The following PCDHA7 variants were observed in gnomAD, a reference collection of about 807,000 sequenced individuals.
PCDHA7 encodes the protein protocadherin alpha-7.
In PCDHA7, 37 loss-of-function variants were observed where a neutral mutation model predicts 57.2. The ratio of observed to expected loss-of-function variants is 0.65; its 90% CI spans 0.50 to 0.85. The LOEUF is 0.85. PCDHA7 is among the 40% of genes least tolerant of loss of function. PCDHA7 has a pLI of 0.00. For missense variants in PCDHA7, 1,188 were observed against 1,241.8 expected (o/e 0.96, Z 0.65); for synonymous variants, 553 against 558.8 (o/e 0.99, Z 0.15).
At chr5:140,929,370 C>T in intron 1 of PCDHA7, 1 of 1,515,732 alleles carries the variant, frequency 6.6e-7, no homozygotes, top group Non-Finnish European at 8.8e-7. Flanking sequence ...CCGGAGATGG[C>T]TGCTAGCTGT....
chr5:140,842,062 C>G lies in PCDHA7; in HGVS notation c.2355+5324C>G, dbSNP rs548664799. The G allele has an allele frequency of 3.1e-6, 5 of 1,613,774 alleles. No individual in the cohort carries two copies. In the African/African-American group the frequency reaches 6.7e-5, roughly 22 times the overall value. ...CTCCCACTTTCGAACAGTCTGAATA[C>G]GAAGTAAGAATATTCGAAAACGCAG... On this transcript the variant is annotated intron_variant, in intron 1 of 3. Coordinates refer to ENST00000525929, the MANE Select transcript of PCDHA7 (RefSeq NM_018910.3).
In PCDHA7 at chr5:140,836,239, G is replaced by T; in HGVS notation, c.1856G>T (p.Ser619Ile). The change falls in exon 1 of 4, where the codon AGC becomes ATC. Residue 619 changes from serine (S) to isoleucine (I), a missense_variant. Ser to Ile is a moderately radical substitution (Grantham distance 142). Around this residue, in one of 3 missense-constraint regions of PCDHA7, gnomAD observed 892 missense variants for 788.5 expected, o/e 1.13. Coordinates refer to ENST00000525929, the MANE Select transcript of PCDHA7 (RefSeq NM_018910.3). ...YELQPVAAGA[S>I]IPFRVGLYTG... Reference sequence around the variant, plus strand: ...TTGCAACCGGTGGCGGCCGGTGCGAGCATCCCGTTCCGCGTGGGGCTGTAC... The same window carrying T: ...TTGCAACCGGTGGCGGCCGGTGCGATCATCCCGTTCCGCGTGGGGCTGTAC... The T allele has an allele frequency of 1.9e-6, 3 of 1,613,796 alleles. No individual in the cohort carries two copies. Among genetic ancestry groups the T allele is most frequent in the Non-Finnish European group, 1.7e-6 (2 of 1,179,822 alleles).
intron 1 of PCDHA7, chr5:140,848,602 C>A (rs140949600): frequency 8.2e-6 from 13 of 1,593,476 alleles, no homozygotes; most frequent in Non-Finnish European, 1.1e-5. Flanking sequence ...TACTCCGTCC[C>A]GGAGGAAGCC....
At chr5:140,869,231 C>T (rs781820629) in intron 1 of PCDHA7, 29 of 1,613,712 alleles carry the variant, frequency 1.8e-5, no homozygotes, top group Non-Finnish European at 2.3e-5. Context: ...AAACACGGCA[C>T]CTTCGTGGGC....
chr5:140,884,791 C>T, intron 1 of PCDHA7: 1 of 1,319,574 alleles, frequency 7.6e-7, no homozygotes, highest in Non-Finnish European at 1.0e-6. Context: ...TAGTTGTTAT[C>T]GAATTTAACA....
intron 1 of PCDHA7, chr5:140,928,054 A>T (rs2084892451): frequency 1.2e-6 from 2 of 1,613,994 alleles, no homozygotes; most frequent in Non-Finnish European, 1.7e-6. Flanking sequence ...TTTTCAGCTG[A>T]CGGCTTCCTT....
intron 1 of PCDHA7, among the ~76,000 whole-genome samples, chr5:140,975,044 G>A (rs115613317): frequency 0.045 from 6,815 of 152,244 alleles, 210 homozygotes; most frequent in Non-Finnish European, 0.062. Flanking sequence ...AGGCTCTTAG[G>A]AAGAATCTAC....
rs539900578 is a variant in PCDHA7, at chr5:140,868,861, T to C, written c.2355+32123T>C. Reference sequence around the variant, plus strand: ...ACACGTGAAATTCTGTGGTGGTAAATGCAGTGCACAGTACTCACAGTTTTA... The same window carrying C: ...ACACGTGAAATTCTGTGGTGGTAAACGCAGTGCACAGTACTCACAGTTTTA... On this transcript the variant is annotated intron_variant, in intron 1 of 3. Coordinates refer to ENST00000525929, the MANE Select transcript of PCDHA7 (RefSeq NM_018910.3). 7 of 525,402 alleles carry C rather than the reference T, an allele frequency of 1.3e-5. No homozygotes were observed. In the Admixed American group the frequency reaches 2.2e-4, roughly 17 times the overall value. 32.5% of individuals were successfully genotyped at this position (525,402 alleles called of 1,614,324 possible). A position where few individuals can be genotyped will look rare whatever the true frequency, so the allele number is the denominator to read the frequency against.
chr5:140,929,484 T>C, intron 1 of PCDHA7: 1 of 1,156,262 alleles, frequency 8.6e-7, no homozygotes, highest in Non-Finnish European at 1.2e-6. Context: ...AGTATAGAAG[T>C]ATTAGAAGAT....
At chr5:140,902,861 G>A (rs782302668) in intron 1 of PCDHA7, among the ~76,000 whole-genome samples, 21 of 152,088 alleles carry the variant, frequency 1.4e-4, no homozygotes, top group Admixed American at 5.2e-4. Context: ...TGGCGTCCAG[G>A]TCCACCCAAG....
chr5:140,969,198 C>T lies in PCDHA7; in HGVS notation c.2356-9751C>T, dbSNP rs2096305688. ...AGTGACACTTTCATGTTTTACAATA[C>T]AGGGGCCCAGACAGGACCAGGGCCT... On this transcript the variant is annotated intron_variant, in intron 1 of 3. Coordinates refer to ENST00000525929, the MANE Select transcript of PCDHA7 (RefSeq NM_018910.3). 1 of 1,614,166 alleles carries T rather than the reference C, an allele frequency of 6.2e-7. No individual in the cohort carries two copies. Among genetic ancestry groups the T allele is most frequent in the Non-Finnish European group, 8.5e-7 (1 of 1,180,032 alleles).
chr5:140,907,997 T>G (rs1352895327), intron 1 of PCDHA7, among the ~76,000 whole-genome samples: 1 of 152,186 alleles, frequency 6.6e-6, no homozygotes, highest in East Asian at 1.9e-4. Flanking sequence ...TCCTTAACCA[T>G]CCAGCCAAAC....
At chr5:140,910,013 C>T (rs185824848) in intron 1 of PCDHA7, among the ~76,000 whole-genome samples, 4 of 152,256 alleles carry the variant, frequency 2.6e-5, no homozygotes, top group Non-Finnish European at 1.5e-5. Context: ...CAGTGTCATC[C>T]TTGTATCCCT....
chr5:140,914,852 C>T (rs2076867528), intron 1 of PCDHA7, among the ~76,000 whole-genome samples: 1 of 151,838 alleles, frequency 6.6e-6, no homozygotes, highest in Non-Finnish European at 1.5e-5. Flanking sequence ...AAAAGGAAGA[C>T]TAATAAAAGT....
chr5:141,003,796 G>A (rs2098138988), intron 3 of PCDHA7, among the ~76,000 whole-genome samples: 1 of 152,168 alleles, frequency 6.6e-6, no homozygotes, highest in Non-Finnish European at 1.5e-5. Context: ...ATCCTATTGG[G>A]TTGTAATCTG....
intron 1 of PCDHA7, chr5:140,864,365 A>G (rs2048439709): frequency 6.6e-6 from 1 of 152,220 alleles, no homozygotes; most frequent in Non-Finnish European, 1.5e-5. Flanking sequence ...TTATCTTTCT[A>G]TAATCGATAA....
chr5:140,893,198 C>T (rs1242904411), intron 1 of PCDHA7, among the ~76,000 whole-genome samples: 2 of 152,164 alleles, frequency 1.3e-5, no homozygotes, highest in Admixed American at 6.5e-5. Flanking sequence ...AATAGTGCTG[C>T]AGTAAGTATG....
At chr5:140,998,199 C>A (rs1472137266) in intron 3 of PCDHA7, among the ~76,000 whole-genome samples, 2 of 152,172 alleles carry the variant, frequency 1.3e-5, no homozygotes, top group Non-Finnish European at 2.9e-5. Flanking sequence ...GTATTAACTC[C>A]TTTAATCTGT....
At chr5:140,952,345 A>G (rs1199209045) in intron 1 of PCDHA7, among the ~76,000 whole-genome samples, 2 of 151,900 alleles carry the variant, frequency 1.3e-5, no homozygotes, top group Non-Finnish European at 2.9e-5. Context: ...TCTCAAAAAA[A>G]AAAAAAAAAG....
Sources: allele counts gnomAD v4.1 joint callset (sites outside exome capture counted in the v4.1 genomes callset), GRCh38; gene constraint gnomAD v4.1.1; regional missense constraint gnomAD v4.1.1; transcripts MANE v1.5; gene names NCBI Gene and HGNC (gene_info 2026-07-23, HGNC 2026-07-21).